Variants in RAP1GAP2 observed in about 807,000 individuals in gnomAD.
RAP1GAP2 encodes the protein RAP1 GTPase activating protein 2, also known as rap1 GTPase-activating protein 2.
In RAP1GAP2, 27 loss-of-function variants were observed where a neutral mutation model predicts 95.0. That is an observed-to-expected ratio of 0.28 (90% CI 0.21 to 0.39). The LOEUF is 0.39. Ranked by LOEUF, RAP1GAP2 falls within the 10% of genes least tolerant of loss-of-function variation. The pLI is 1.00. For missense variants in RAP1GAP2, 771 were observed against 970.0 expected, an observed-to-expected ratio of 0.79 and a Z score of 2.72; for synonymous variants, 373 against 380.9, an observed-to-expected ratio of 0.98 and a Z score of 0.24.
intron 2 of RAP1GAP2, among the ~76,000 whole-genome samples, chr17:2,819,078 G>A (rs371165851): frequency 1.6e-4 from 24 of 151,748 alleles, no homozygotes; most frequent in Admixed American, 4.6e-4. Flanking sequence ...GAATGCAGTG[G>A]CGCGATCTTG....
chr17:2,895,022 C>T (rs1220557164), intron 2 of RAP1GAP2, among the ~76,000 whole-genome samples: 1 of 152,160 alleles, frequency 6.6e-6, no homozygotes, highest in Non-Finnish European at 1.5e-5. Flanking sequence ...CTTTTCCCAG[C>T]GTCCGCACAG....
intron 4 of RAP1GAP2, among the ~76,000 whole-genome samples, chr17:2,958,057 T>C (rs2044185835): frequency 1.3e-5 from 2 of 151,924 alleles, no homozygotes; most frequent in Admixed American, 1.3e-4. Context: ...CCATAAGCCC[T>C]GTGGATGTGG....
intron 21 of RAP1GAP2, 61 bp from the exon 22 acceptor site, chr17:3,026,883 G>A (rs1428625999): frequency 6.6e-6 from 10 of 1,525,214 alleles, no homozygotes; most frequent in Middle Eastern, 1.9e-4. Flanking sequence ...GCTGCCTCAG[G>A]CCTGCGTGGG....
Position 2,796,498 on chromosome 17 carries a change from G to C in RAP1GAP2, c.-30G>C, listed in dbSNP as rs111260927. 1.2e-5 allele frequency: 19 copies of C among 1,553,096 alleles called. No individual in the cohort carries two copies. The African/African-American group carries it at 2.5e-4, about 20-fold the overall frequency. On this transcript the variant is annotated 5_prime_UTR_variant, in exon 1 of 25. Transcript: ENST00000254695. This position sits in a 1 kb window ranked among gnomAD's most constrained non-coding sequence, Gnocchi z 4.7. ...GCCCCGGGGACGTCGTTGGGACATC[G>C]CTGGGACCCCGGGCTCTGCAGCCAC... is the stretch of plus-strand genomic sequence containing the variant.
intron 3 of RAP1GAP2, among the ~76,000 whole-genome samples, chr17:2,956,815 G>A (rs1327661172): frequency 6.6e-6 from 1 of 152,160 alleles, no homozygotes; most frequent in Non-Finnish European, 1.5e-5. Context: ...GTTTGGACAA[G>A]TGCAATTGGG....
Position 2,883,206 on chromosome 17 carries a change from C to T in RAP1GAP2, c.81-22078C>T, listed in dbSNP as rs758033931. ...GGAGAGGATGGTCTTTTGGGAGGGG[C>T]GCATTTGAGGGCTGCACTGTGAGCT... On this transcript the variant is annotated intron_variant, in intron 2 of 24. Coordinates refer to ENST00000254695, the MANE Select transcript of RAP1GAP2 (RefSeq NM_015085.5). 7.9e-5 allele frequency among the ~76,000 whole-genome samples: 12 copies of T among 152,290 alleles called. 1 individual carries two copies. In the Middle Eastern group the frequency reaches 0.017, roughly 216 times the overall value.
chr17:2,912,353 C>T (rs1465345557), intron 3 of RAP1GAP2, among the ~76,000 whole-genome samples: 2 of 152,184 alleles, frequency 1.3e-5, no homozygotes, highest in African/African-American at 2.4e-5. Flanking sequence ...GGCCTGATTT[C>T]GTCTCTTCTT....
rs1034024652 is a variant in RAP1GAP2 at position 3,034,423 on chromosome 17, G to A, written c.*1062G>A. 27 of 225,350 alleles carry A rather than the reference G, an allele frequency of 1.2e-4. 1 individual carries two copies. Among genetic ancestry groups the A allele is most frequent in the South Asian group, 1.1e-3 (27 of 24,764 alleles). 14.0% of individuals were successfully genotyped at this position (225,350 alleles called of 1,614,324 possible). A position where few individuals can be genotyped will look rare whatever the true frequency, so the allele number is the denominator to read the frequency against. On this transcript the variant is annotated 3_prime_UTR_variant, in exon 25 of 25. Transcript: ENST00000254695. The surrounding 1 kb of genome is among the most constrained non-coding windows in gnomAD (Gnocchi z 5.1). ...GAGGTGAGGGGGGGATGACTTGCGG[G>A]TTCTGATCAGGCCCCTGGGTGGGGA...
chr17:2,881,703 C>T (rs1011217412), intron 2 of RAP1GAP2, among the ~76,000 whole-genome samples: 3 of 152,158 alleles, frequency 2.0e-5, no homozygotes, highest in African/African-American at 7.2e-5. Context: ...AGCGTCCACA[C>T]TTTTCAACAA....
At chr17:2,910,061 C>G (rs533962375) in intron 3 of RAP1GAP2, among the ~76,000 whole-genome samples, 3 of 152,342 alleles carry the variant, frequency 2.0e-5, no homozygotes, top group Admixed American at 1.3e-4. Flanking sequence ...AGCCTGCTCA[C>G]CACAGGAGTG....
At position 2,947,568 on chromosome 17, in the gene RAP1GAP2, A is replaced by G. The variant is rs867466032; in HGVS notation, c.166-10191A>G. ...GTTTATTGAGCATCTACTGTGTGCT[A>G]GGCAGTTCTATTAATAGCACAGGGA... On this transcript the variant is annotated intron_variant, in intron 3 of 24. Transcript: ENST00000254695. 1.2e-4 allele frequency among the ~76,000 whole-genome samples: 19 copies of G among 152,250 alleles called. No homozygotes were observed. The South Asian group carries it at 1.7e-3, about 13-fold the overall frequency.
chr17:2,790,073 C>T (rs2068884721), intron 1 of RAP1GAP2, among the ~76,000 whole-genome samples: 1 of 151,776 alleles, frequency 6.6e-6, no homozygotes, highest in Admixed American at 6.6e-5. Flanking sequence ...CCCACTGTGC[C>T]CTGTTTCCCT....
At chr17:2,935,166 A>G (rs1285479281) in intron 3 of RAP1GAP2, among the ~76,000 whole-genome samples, 2 of 152,148 alleles carry the variant, frequency 1.3e-5, no homozygotes, top group African/African-American at 4.8e-5. Context: ...GACAGAGTGG[A>G]TGTGATGATA....
At chr17:2,776,254 G>A (rs761352718), upstream of RAP1GAP2, among the ~76,000 whole-genome samples, 18 of 152,212 alleles carry the variant, frequency 1.2e-4, no homozygotes, top group Non-Finnish European at 2.2e-4. Context: ...TCGCAGCATA[G>A]CGTTCTGTAC....
At chr17:2,859,331 G>A (rs1007157206) in intron 2 of RAP1GAP2, among the ~76,000 whole-genome samples, 2 of 151,922 alleles carry the variant, frequency 1.3e-5, no homozygotes, top group Non-Finnish European at 2.9e-5. Context: ...GGCTGGTCTC[G>A]AACTCCTGGC....
intron 1 of RAP1GAP2, 141 bp from the exon 2 acceptor site, chr17:2,800,374 G>T: frequency 7.7e-7 from 1 of 1,295,296 alleles, no homozygotes. Flanking sequence ...CCTGCTAGCG[G>T]AGAACTGGCC....
At chr17:3,013,810 A>G (rs941549319) in intron 17 of RAP1GAP2, among the ~76,000 whole-genome samples, 1 of 151,556 alleles carries the variant, frequency 6.6e-6, no homozygotes, top group African/African-American at 2.4e-5. Context: ...CTTACCTGCT[A>G]TGTGGGCTTG....
At chr17:2,941,532 G>C (rs184346893) in intron 3 of RAP1GAP2, among the ~76,000 whole-genome samples, 1 of 152,196 alleles carries the variant, frequency 6.6e-6, no homozygotes, top group African/African-American at 2.4e-5. Context: ...GCGCTGTCCA[G>C]TTGAGGCACC....
chr17:2,799,690 G>A (rs886510934), intron 1 of RAP1GAP2, among the ~76,000 whole-genome samples: 5 of 152,200 alleles, frequency 3.3e-5, no homozygotes, highest in South Asian at 2.1e-4. Context: ...GGTGCTGGTG[G>A]CAGTGCTGGT....
Sources: allele counts gnomAD v4.1 joint callset (sites outside exome capture counted in the v4.1 genomes callset), GRCh38; gene constraint gnomAD v4.1.1; non-coding constraint Gnocchi (gnomAD v3.1); transcripts MANE v1.5; gene names NCBI Gene and HGNC (gene_info 2026-07-23, HGNC 2026-07-21).